KIFC3: variants seen among roughly 807,000 people sequenced by gnomAD.
KIFC3 encodes the protein kinesin-like protein KIFC3.
Under a neutral mutation model 101.8 loss-of-function variants are expected in KIFC3, and 60 were observed. The observed-to-expected ratio is 0.59, with a 90% CI of 0.48 to 0.73. The LOEUF is 0.73. KIFC3 is among the 30% of genes least tolerant of loss of function. The pLI is 0.00. For missense variants in KIFC3, 966 were observed against 1,137.1 expected, an observed-to-expected ratio of 0.85 and a Z score of 2.16; for synonymous variants, 476 against 482.7, an observed-to-expected ratio of 0.99 and a Z score of 0.18.
chr16:57,775,931 G>A (rs1383471921), intron 3 of KIFC3: 3 of 985,434 alleles, frequency 3.0e-6, no homozygotes, highest in Non-Finnish European at 3.6e-6. Context: ...TGCAGGGGGC[G>A]TCACCCTGCC....
In KIFC3 at chr16:57,761,091, G is replaced by T; in HGVS notation, c.1953C>A (p.Leu651=). 6.2e-7 allele frequency: 1 copy of T among 1,613,812 alleles called. No homozygotes were observed. The highest frequency in any genetic ancestry group is 1.1e-5 in the South Asian group (1 of 91,072). Residue 651 remains leucine, a synonymous_variant, in exon 15 of 20, where the codon CTC becomes CTA. Transcript: ENST00000445690. ...NEHSSRSHAL[L]IVTVRGVDCS... Reference sequence around the variant, plus strand: ...AGTCCACGCCTCGCACCGTCACGATGAGCAGCGCGTGCGAGCGGGAGCTGT... The same window carrying T: ...AGTCCACGCCTCGCACCGTCACGATTAGCAGCGCGTGCGAGCGGGAGCTGT...
intron 3 of KIFC3, chr16:57,785,635 C>T (rs914954975): frequency 7.2e-6 from 9 of 1,257,652 alleles, no homozygotes; most frequent in Admixed American, 4.9e-5. Context: ...CCGACAAGCT[C>T]GAGCACCTCC....
intron 3 of KIFC3, chr16:57,779,501 C>T (rs2052480704): frequency 6.6e-6 from 1 of 152,126 alleles, no homozygotes; most frequent in African/African-American, 2.4e-5. Context: ...TAAAGAAATA[C>T]CTGAGACTGG....
intron 3 of KIFC3, among the ~76,000 whole-genome samples, chr16:57,781,012 G>C (rs1827718858): frequency 6.6e-6 from 1 of 152,046 alleles, no homozygotes; most frequent in Admixed American, 6.6e-5. Flanking sequence ...TGAGGTGCAG[G>C]GGGCAGGTAG....
intron 1 of KIFC3, among the ~76,000 whole-genome samples, chr16:57,860,855 G>A (rs912073231): frequency 1.3e-5 from 2 of 151,986 alleles, no homozygotes; most frequent in Non-Finnish European, 2.9e-5. Context: ...TGAGCTAGAG[G>A]TACATACCAC....
chr16:57,854,899 C>T (rs539795859), intron 1 of KIFC3, among the ~76,000 whole-genome samples: 33 of 152,154 alleles, frequency 2.2e-4, no homozygotes, highest in African/African-American at 7.5e-4. Flanking sequence ...AGTTACACAA[C>T]ACACTTCTAA....
chr16:57,816,099 A>G (rs782660372), intron 1 of KIFC3: 2 of 871,112 alleles, frequency 2.3e-6, no homozygotes, highest in Non-Finnish European at 3.1e-6. Context: ...GATGTGGTCA[A>G]ATCCTCTTAC....
intron 1 of KIFC3, among the ~76,000 whole-genome samples, chr16:57,829,645 C>G (rs1447932316): frequency 1.3e-5 from 2 of 152,204 alleles, no homozygotes; most frequent in Non-Finnish European, 2.9e-5. Context: ...CCATGCAGCC[C>G]TGAATAGGTA....
chr16:57,812,126 C>G (rs1265245348), intron 1 of KIFC3, among the ~76,000 whole-genome samples: 11 of 150,644 alleles, frequency 7.3e-5, no homozygotes, highest in Non-Finnish European at 1.2e-4. Flanking sequence ...ACTGGAGGCT[C>G]CATCCCCTAG....
intron 3 of KIFC3, among the ~76,000 whole-genome samples, chr16:57,793,268 AGAGT>A (rs560096921): frequency 0.017 from 2,580 of 151,064 alleles, 74 homozygotes; most frequent in African/African-American, 0.06. Flanking sequence ...CCTGGGCAAC[AGAGT>A]GAGACTCTGT....
intron 3 of KIFC3, among the ~76,000 whole-genome samples, chr16:57,786,027 T>C (rs2053280288): frequency 6.6e-6 from 1 of 152,214 alleles, no homozygotes; most frequent in Non-Finnish European, 1.5e-5. Context: ...ATTCTCACCC[T>C]AGAAAACTCT....
chr16:57,769,233 G>A lies in KIFC3; in HGVS notation c.1218+362C>T, dbSNP rs938377433. ...GTAATTTTAGTAGAGACGAAGTTTCGCCTTGTTGGCCAGGCTGGTCTCAAA... is the reference window on the plus strand; with the variant it reads ...GTAATTTTAGTAGAGACGAAGTTTCACCTTGTTGGCCAGGCTGGTCTCAAA... On this transcript the variant is annotated intron_variant, in intron 9 of 19. Transcript: ENST00000445690. The surrounding 1 kb of genome is among the most constrained non-coding windows in gnomAD (Gnocchi z 4.3). 3.9e-5 allele frequency among the ~76,000 whole-genome samples: 6 copies of A among 152,002 alleles called. No individual in the cohort carries two copies. Among genetic ancestry groups the A allele is most frequent in the Admixed American group, 1.3e-4 (2 of 15,260 alleles).
chr16:57,813,863 T>C, intron 1 of KIFC3: 1 of 985,400 alleles, frequency 1.0e-6, no homozygotes, highest in Non-Finnish European at 1.2e-6. Context: ...ATAAAAGCCA[T>C]GCGGTCCCTG....
chr16:57,807,780 A>G (rs924498705), upstream of KIFC3: 4 of 151,798 alleles, frequency 2.6e-5, no homozygotes, highest in Non-Finnish European at 5.9e-5. Context: ...CTACAAAACA[A>G]CAAGCCAGGC....
chr16:57,760,832 G>C lies in KIFC3; in HGVS notation c.2126C>G (p.Ala709Gly), dbSNP rs147963864. 5.6e-4 allele frequency: 902 copies of C among 1,613,286 alleles called. 1 individual carries two copies. The highest frequency in any genetic ancestry group is 7.3e-4 in the Non-Finnish European group (867 of 1,180,006). The change falls in exon 16 of 20, where the codon GCT (alanine) becomes GGT (glycine). Residue 709 changes from alanine to glycine, a missense_variant. Around this residue, in one of 2 missense-constraint regions of KIFC3, gnomAD observed 689 missense variants for 884.6 expected, o/e 0.78. Transcript: ENST00000445690. ...KSLSALGDVIAALRSRQGHVP... is the reference protein window; with the variant it reads ...KSLSALGDVIGALRSRQGHVP... ...GTGGCCCTGGCGGGAGCGCAGGGCAGCAATGACGTCCCCCAGAGCCGACAG... is the reference window on the plus strand; with the variant it reads ...GTGGCCCTGGCGGGAGCGCAGGGCACCAATGACGTCCCCCAGAGCCGACAG...
intron 1 of KIFC3, among the ~76,000 whole-genome samples, chr16:57,840,493 G>T (rs573766319): frequency 6.6e-6 from 1 of 152,102 alleles, no homozygotes; most frequent in East Asian, 1.9e-4. Context: ...GAGCACGGTG[G>T]CTCATGCCTG....
intron 1 of KIFC3, among the ~76,000 whole-genome samples, chr16:57,856,901 CCTTCCAGAAAAGA>C (rs1376292408): frequency 6.6e-6 from 1 of 152,152 alleles, no homozygotes; most frequent in Non-Finnish European, 1.5e-5. Flanking sequence ...TAGCTAAAAT[CCTTCCAGAAAAGA>C]AAACTTAGGT....
intron 1 of KIFC3, among the ~76,000 whole-genome samples, chr16:57,838,493 A>G (rs1183394852): frequency 4.6e-5 from 7 of 152,208 alleles, no homozygotes; most frequent in East Asian, 1.9e-4. Flanking sequence ...GGCTTCATGC[A>G]TATCTATTAC....
intron 1 of KIFC3, chr16:57,862,615 C>A: frequency 3.3e-6 from 1 of 304,272 alleles, no homozygotes; most frequent in Non-Finnish European, 6.7e-6. Context: ...AGAATATTAG[C>A]TACAATCCCA....
Sources: gnomAD v4.1 joint callset for allele counts (sites outside exome capture counted in the v4.1 genomes callset) on GRCh38, gnomAD v4.1.1 for gene constraint, gnomAD v4.1.1 regional missense constraint, Gnocchi (gnomAD v3.1) non-coding constraint, MANE v1.5 for transcripts, NCBI Gene and HGNC (gene_info 2026-07-23, HGNC 2026-07-21) for gene names.